RNF180: variants seen among roughly 807,000 people sequenced by gnomAD.
RNF180 encodes the protein ring finger protein 180.
Under a neutral mutation model 59.2 loss-of-function variants are expected in RNF180, and 38 were observed. The observed-to-expected ratio is 0.64, with a 90% CI of 0.50 to 0.84. The LOEUF (loss-of-function observed/expected upper bound fraction) is 0.84. Among genes scored for constraint, RNF180 ranks in the 40% least tolerant of loss-of-function variants. The pLI, the probability that RNF180 is intolerant of heterozygous loss-of-function variation, is 0.00. For synonymous variants in RNF180, 262 were observed against 240.3 expected (o/e 1.09, Z -0.84); for missense variants, 705 against 700.9 (o/e 1.01, Z -0.07).
In RNF180 at chr5:64,214,511, G is replaced by C. The variant is rs764247831; in HGVS notation, c.1185G>C (p.Gln395His). The C allele has an allele frequency of 1.9e-6, 3 of 1,611,004 alleles. No individual in the cohort carries two copies. The African/African-American group carries it at 4.0e-5, about 22-fold the overall frequency. ...RKQRRRERWL[Q>H]KQGKYSGVGL... is the part of the protein sequence containing the mutation. ...AACGAAGGCGTGAAAGATGGCTACA[G>C]AAGCAGGTAATATTTTTCAAAAGAG... The change falls in exon 4 of 8, where the codon CAG (glutamine) becomes CAC (histidine). Residue 395 changes from glutamine to histidine, a missense_variant. Physicochemically the swap from Gln to His is conservative, Grantham distance 24. Transcript: ENST00000389100.
intron 5 of RNF180, among the ~76,000 whole-genome samples, chr5:64,295,445 T>C (rs1176385111): frequency 2.0e-5 from 3 of 152,188 alleles, no homozygotes; most frequent in Non-Finnish European, 4.4e-5. Context: ...CCTCAGAAGA[T>C]AAATTATTCT....
chr5:64,315,455 C>A (rs1433364635), intron 5 of RNF180, among the ~76,000 whole-genome samples: 1 of 152,076 alleles, frequency 6.6e-6, no homozygotes, highest in African/African-American at 2.4e-5. Flanking sequence ...AACCAAGATG[C>A]TTTTACTCGG....
intron 5 of RNF180, among the ~76,000 whole-genome samples, chr5:64,253,935 A>G (rs1175863571): frequency 2.6e-5 from 4 of 152,084 alleles, no homozygotes; most frequent in Non-Finnish European, 5.9e-5. Context: ...AATACTAGCT[A>G]TTTTATTAAA....
intron 1 of RNF180, among the ~76,000 whole-genome samples, chr5:64,195,135 C>T (rs1332057469): frequency 6.6e-6 from 1 of 152,038 alleles, no homozygotes; most frequent in Non-Finnish European, 1.5e-5. Context: ...TACAGTTTCT[C>T]CTTCAAATAA....
Position 64,216,583 on chromosome 5 carries a change from T to C in RNF180, c.1192-778T>C, listed in dbSNP as rs74775548. On this transcript the variant is annotated intron_variant, in intron 4 of 7. Transcript: ENST00000389100. ...ACTTTCACTTGAAGTTTTTAATAAA[T>C]GTTTGTAAGCTAGACATCTTTCAGT... is the stretch of plus-strand genomic sequence containing the variant. Among the ~76,000 whole-genome samples the C allele has an allele frequency of 7.2e-5, 11 of 152,338 alleles. No individual in the cohort carries two copies. In the East Asian group the frequency reaches 2.1e-3, roughly 29 times the overall value.
intron 5 of RNF180, among the ~76,000 whole-genome samples, chr5:64,318,167 G>A (rs562381563): frequency 1.3e-5 from 2 of 152,152 alleles, no homozygotes; most frequent in Non-Finnish European, 2.9e-5. Flanking sequence ...CTGTGATAAA[G>A]TTTAACTTAA....
At chr5:64,319,185 A>C (rs1426795658) in intron 5 of RNF180, among the ~76,000 whole-genome samples, 3 of 152,074 alleles carry the variant, frequency 2.0e-5, no homozygotes, top group African/African-American at 7.2e-5. Flanking sequence ...AAAAAAAAAA[A>C]AAAAAACTTT....
At chr5:64,313,867 T>C (rs1299170486) in intron 5 of RNF180, among the ~76,000 whole-genome samples, 1 of 152,114 alleles carries the variant, frequency 6.6e-6, no homozygotes, top group African/African-American at 2.4e-5. Context: ...TGAAATGGTA[T>C]CTTGTTGTGG....
At chr5:64,249,376 C>T (rs551300056) in intron 5 of RNF180, among the ~76,000 whole-genome samples, 1 of 152,066 alleles carries the variant, frequency 6.6e-6, no homozygotes, top group Admixed American at 6.6e-5. Flanking sequence ...GCTTCTCAGC[C>T]GAAACCTTAC....
intron 4 of RNF180, among the ~76,000 whole-genome samples, chr5:64,215,382 ATAGT>A (rs1752563809): frequency 6.6e-6 from 1 of 152,216 alleles, no homozygotes; most frequent in Non-Finnish European, 1.5e-5. Flanking sequence ...TCTTTTAAAA[ATAGT>A]TAAGTGAACT....
At chr5:64,206,539 A>G (rs1184415732) in intron 2 of RNF180, among the ~76,000 whole-genome samples, 1 of 152,062 alleles carries the variant, frequency 6.6e-6, no homozygotes, top group African/African-American at 2.4e-5. Flanking sequence ...AAATATTTTT[A>G]TGCTTATTAC....
chr5:64,307,901 A>G (rs1049877598), intron 5 of RNF180, among the ~76,000 whole-genome samples: 76 of 151,878 alleles, frequency 5.0e-4, no homozygotes, highest in African/African-American at 1.7e-3. Context: ...TAAGTTGGGG[A>G]CCATCTGTAA....
At chr5:64,174,024 G>T (rs548110834) in intron 1 of RNF180, among the ~76,000 whole-genome samples, 1 of 152,128 alleles carries the variant, frequency 6.6e-6, no homozygotes, top group African/African-American at 2.4e-5. Context: ...TGACATAACT[G>T]TTTTAGGTTG....
chr5:64,259,778 G>A (rs187890255), intron 5 of RNF180, among the ~76,000 whole-genome samples: 22 of 151,982 alleles, frequency 1.4e-4, no homozygotes, highest in Admixed American at 9.2e-4. Context: ...AAAATTAGCC[G>A]GGCGTGGTGG....
rs1022483202 is a variant in RNF180 at position 64,369,897 on chromosome 5, T to G, written c.*83T>G. ...AAACATTTTTAAATGTGCTTTGAAG[T>G]TTTTTTAATGTTGCATTATACAAAT... On this transcript the variant is annotated 3_prime_UTR_variant, in exon 8 of 8. Coordinates refer to ENST00000389100, the MANE Select transcript of RNF180 (RefSeq NM_001113561.2). 6.5e-6 allele frequency: 5 copies of G among 768,112 alleles called. No individual in the cohort carries two copies. Among genetic ancestry groups the G allele is most frequent in the Non-Finnish European group, 7.8e-6 (4 of 510,360 alleles). The allele number at this position is 768,112 out of a possible 1,614,324, so 47.6% of individuals were successfully genotyped here.
intron 5 of RNF180, chr5:64,217,904 C>G (rs1752721933): frequency 6.6e-6 from 1 of 152,114 alleles, no homozygotes; most frequent in Non-Finnish European, 1.5e-5. Flanking sequence ...CTACAGTGAG[C>G]TATGATTACA....
chr5:64,312,673 T>C (rs1032961491), intron 5 of RNF180, among the ~76,000 whole-genome samples: 1 of 152,082 alleles, frequency 6.6e-6, no homozygotes, highest in Non-Finnish European at 1.5e-5. Context: ...GGTAATTATC[T>C]CTACTTTTCT....
intron 5 of RNF180, among the ~76,000 whole-genome samples, chr5:64,299,379 G>T (rs992016911): frequency 6.6e-6 from 1 of 151,794 alleles, no homozygotes; most frequent in African/African-American, 2.4e-5. Flanking sequence ...AGTAGTTACT[G>T]GGTTATTGTT....
intron 5 of RNF180, among the ~76,000 whole-genome samples, chr5:64,238,613 A>G (rs1422585875): frequency 6.6e-6 from 1 of 151,976 alleles, no homozygotes; most frequent in Non-Finnish European, 1.5e-5. Flanking sequence ...ATTTTTATAT[A>G]CCTGTTGTTC....
Sources: allele counts gnomAD v4.1 joint callset (sites outside exome capture counted in the v4.1 genomes callset), GRCh38; gene constraint gnomAD v4.1.1; transcripts MANE v1.5; gene names NCBI Gene and HGNC (gene_info 2026-07-23, HGNC 2026-07-21).